The following CUBN variants were observed in gnomAD, a reference collection of about 807,000 sequenced individuals.
The protein encoded by CUBN is cubilin.
In CUBN, 282 loss-of-function variants were observed where a neutral mutation model predicts 405.3. That is an observed-to-expected ratio of 0.70 (90% CI 0.63 to 0.77). The LOEUF (loss-of-function observed/expected upper bound fraction) is 0.77, where lower values mean the gene tolerates loss of function less well. Among genes scored for constraint, CUBN ranks in the 30% least tolerant of loss-of-function variants. The pLI is 0.00. For missense variants in CUBN, 4,514 were observed against 4,475.2 expected (o/e 1.01, Z -0.25); for synonymous variants, 1,684 against 1,617.0 (o/e 1.04, Z -0.99).
At chr10:16,833,535 T>C (rs1839073174) in intron 64 of CUBN, among the ~76,000 whole-genome samples, 1 of 152,140 alleles carries the variant, frequency 6.6e-6, no homozygotes, top group African/African-American at 2.4e-5. Context: ...GCTAAACCCA[T>C]ATGCAAAGAC....
chr10:17,034,961 C>G (rs996061948), intron 27 of CUBN, among the ~76,000 whole-genome samples: 1 of 151,990 alleles, frequency 6.6e-6, no homozygotes, highest in East Asian at 1.9e-4. Flanking sequence ...ATGGAAGTCA[C>G]CAAGACAATA....
chr10:16,944,392 C>A (rs975941508), intron 36 of CUBN, among the ~76,000 whole-genome samples: 7 of 152,262 alleles, frequency 4.6e-5, no homozygotes, highest in Non-Finnish European at 1.0e-4. Flanking sequence ...TATTTCTCCC[C>A]GTTCCTTTTT....
At chr10:17,111,290 T>C (rs951724572) in intron 8 of CUBN, among the ~76,000 whole-genome samples, 4 of 152,202 alleles carry the variant, frequency 2.6e-5, no homozygotes, top group Non-Finnish European at 5.9e-5. Context: ...ATAACCTATT[T>C]GGAAAGAGCT....
At chr10:17,090,146 G>A (rs1836221334) in intron 14 of CUBN, among the ~76,000 whole-genome samples, 2 of 151,996 alleles carry the variant, frequency 1.3e-5, no homozygotes, top group African/African-American at 4.8e-5. Flanking sequence ...CCAAATGTCC[G>A]TCAATAGAGT....
rs541259369 is a variant in CUBN, at chr10:17,008,430, G to A, written c.4168+11403C>T. 1.6e-3 allele frequency among the ~76,000 whole-genome samples: 81 copies of A among 50,048 alleles called. 2 individuals carry two copies. The South Asian group carries it at 0.041, about 25-fold the overall frequency. 32.8% of individuals were successfully genotyped at this position (50,048 alleles called of 152,430 possible). ...CCCCATGGCTGCAGAATCCCTGCTCGTGTGTGTGTGTGTGTGTGTGTGTGT... is the reference window on the plus strand; with the variant it reads ...CCCCATGGCTGCAGAATCCCTGCTCATGTGTGTGTGTGTGTGTGTGTGTGT... On this transcript the variant is annotated intron_variant, in intron 28 of 66. Coordinates refer to ENST00000377833, the MANE Select transcript of CUBN (RefSeq NM_001081.4).
intron 14 of CUBN, among the ~76,000 whole-genome samples, chr10:17,093,437 G>T (rs1039697626): frequency 3.3e-5 from 5 of 152,090 alleles, no homozygotes; most frequent in Non-Finnish European, 7.4e-5. Context: ...GTATGCTACA[G>T]GAGTAAGATT....
chr10:16,897,483 G>A (rs1053675439), intron 54 of CUBN, among the ~76,000 whole-genome samples: 2 of 152,094 alleles, frequency 1.3e-5, no homozygotes, highest in Non-Finnish European at 2.9e-5. Flanking sequence ...TGAAGGCAAA[G>A]GGTATAGTAA....
intron 22 of CUBN, among the ~76,000 whole-genome samples, chr10:17,058,457 A>C (rs1835440521): frequency 6.6e-6 from 1 of 152,092 alleles, no homozygotes. Flanking sequence ...TCCAATAAAT[A>C]ATTCAGATAT....
Position 16,888,562 on chromosome 10 carries a change from A to G in CUBN, c.8760T>C (p.Cys2920=). Residue 2920 remains cysteine (C), a synonymous_variant, in exon 56 of 67, where the codon TGT becomes TGC. Transcript: ENST00000377833. ...CTGAAGGGCCAGTGAAATTACTTCC[A>G]CATCCTATGTGGGAACAAAAAGTCA... The part of the protein sequence containing the change: ...QGFSASFVSR[C]GSNFTGPSGY... The G allele has an allele frequency of 6.2e-7, 1 of 1,613,482 alleles. No individual in the cohort carries two copies. The highest frequency in any genetic ancestry group is 1.1e-5 in the South Asian group (1 of 91,064).
chr10:16,864,977 TG>T (rs1588600146), intron 59 of CUBN, among the ~76,000 whole-genome samples: 1 of 70,778 alleles, frequency 1.4e-5, no homozygotes, highest in South Asian at 4.5e-4. Context: ...TTTTTTTTTT[TG>T]GGACGGAGTT....
rs187583526 is a variant in CUBN, at chr10:16,952,097, A to C, written c.4969+179T>G. Among the ~76,000 whole-genome samples, 104 of 152,322 alleles carry C rather than the reference A, an allele frequency of 6.8e-4. 1 individual carries two copies. Among genetic ancestry groups the C allele is most frequent in the Non-Finnish European group, 1.4e-3 (94 of 68,028 alleles). Reference sequence around the variant, plus strand: ...AAATTTAGAAGCAACTGTAGAAATGACTTCCCTATCAGATTAGGAAATGCT... The same window carrying C: ...AAATTTAGAAGCAACTGTAGAAATGCCTTCCCTATCAGATTAGGAAATGCT... On this transcript the variant is annotated intron_variant, in intron 33 of 66. Coordinates refer to ENST00000377833, the MANE Select transcript of CUBN (RefSeq NM_001081.4).
chr10:16,999,709 T>C (rs1833827436), intron 28 of CUBN, among the ~76,000 whole-genome samples: 1 of 152,250 alleles, frequency 6.6e-6, no homozygotes, highest in Admixed American at 6.5e-5. Context: ...AAACATGTTC[T>C]CTGTAGGCAG....
intron 27 of CUBN, among the ~76,000 whole-genome samples, chr10:17,039,520 G>A (rs1834970879): frequency 6.6e-6 from 1 of 152,162 alleles, no homozygotes; most frequent in Non-Finnish European, 1.5e-5. Context: ...ATGACCAACT[G>A]CTGTGTTCAC....
intron 54 of CUBN, among the ~76,000 whole-genome samples, chr10:16,897,849 C>T (rs983164521): frequency 2.6e-5 from 4 of 152,106 alleles, no homozygotes; most frequent in Non-Finnish European, 5.9e-5. Context: ...TCGGCAGCAG[C>T]GTTGGGCTTG....
At chr10:16,829,356 AAAC>A (rs1395739381) in intron 65 of CUBN, among the ~76,000 whole-genome samples, 2 of 140,170 alleles carry the variant, frequency 1.4e-5, no homozygotes, top group South Asian at 2.2e-4. Flanking sequence ...AAAAAAAAAA[AAAC>A]AAACTTGATA....
rs777870175 is a variant in CUBN at position 16,925,315 on chromosome 10, A to G, written c.6572T>C (p.Met2191Thr). Residue 2191 changes from methionine to threonine, a missense_variant, in exon 43 of 67, where the codon ATG (methionine) becomes ACG (threonine). Met to Thr is a moderately conservative substitution (Grantham distance 81). Around this residue, in one of 5 missense-constraint regions of CUBN, gnomAD observed 1,613 missense variants for 1,542.8 expected, o/e 1.05. Transcript: ENST00000377833. ...GTGATCAGAAATAAACTGAACAAACATTTGATTATCCGAGGTGAACAGAGT... is the reference window on the plus strand; with the variant it reads ...GTGATCAGAAATAAACTGAACAAACGTTTGATTATCCGAGGTGAACAGAGT... ...SSTLFTSDNQ[M>T]FVQFISDHSN... is the part of the protein sequence containing the mutation. The G allele has an allele frequency of 7.4e-6, 12 of 1,613,954 alleles. No individual in the cohort carries two copies. Among genetic ancestry groups the G allele is most frequent in the African/African-American group, 1.3e-5 (1 of 75,048 alleles).
chr10:17,113,496 G>A (rs570181166), intron 8 of CUBN, among the ~76,000 whole-genome samples: 1 of 152,210 alleles, frequency 6.6e-6, no homozygotes, highest in African/African-American at 2.4e-5. Context: ...TTCAAACACA[G>A]GCAGTCTTTG....
intron 28 of CUBN, among the ~76,000 whole-genome samples, chr10:17,008,868 C>T (rs1834102593): frequency 6.6e-6 from 1 of 152,152 alleles, no homozygotes; most frequent in Non-Finnish European, 1.5e-5. Flanking sequence ...TCTGTGTCCC[C>T]CGTCTCAGCA....
intron 22 of CUBN, among the ~76,000 whole-genome samples, chr10:17,063,054 T>G (rs1337820178): frequency 6.6e-6 from 1 of 152,188 alleles, no homozygotes; most frequent in African/African-American, 2.4e-5. Flanking sequence ...CTTAAAGTAC[T>G]AGCCCACCAC....
Sources: allele counts gnomAD v4.1 joint callset (sites outside exome capture counted in the v4.1 genomes callset), GRCh38; gene constraint gnomAD v4.1.1; regional missense constraint gnomAD v4.1.1; transcripts MANE v1.5; gene names NCBI Gene and HGNC (gene_info 2026-07-23, HGNC 2026-07-21).